THEMIS: variants seen among roughly 807,000 people sequenced by gnomAD.
The protein encoded by THEMIS is thymocyte selection associated, also known as protein THEMIS.
THEMIS carries 37 observed loss-of-function variants against 52.6 expected under a neutral mutation model. That is an observed-to-expected ratio of 0.70 (90% confidence interval 0.54 to 0.93). The LOEUF is 0.93. Ranked by LOEUF, THEMIS falls within the 40% of genes least tolerant of loss-of-function variation. The pLI, the probability that THEMIS is intolerant of heterozygous loss-of-function variation, is 0.00. For synonymous variants in THEMIS, 292 were observed against 272.7 expected (o/e 1.07, Z -0.70); for missense variants, 808 against 763.1 (o/e 1.06, Z -0.69).
chr6:127,832,777 C>CTATTTT (rs1778740083), intron 2 of THEMIS, among the ~76,000 whole-genome samples: 1 of 57,796 alleles, frequency 1.7e-5, no homozygotes, highest in Non-Finnish European at 2.9e-5. Flanking sequence ...ATTGTCAGAT[C>CTATTTT]TTTTTTTTTT....
chr6:127,754,745 G>A (rs948376646), intron 4 of THEMIS, among the ~76,000 whole-genome samples: 3 of 152,134 alleles, frequency 2.0e-5, no homozygotes, highest in Admixed American at 2.0e-4. Context: ...GGAAAAAGGA[G>A]GACAGCAATG....
At chr6:127,746,659 T>C (rs1775400173) in intron 4 of THEMIS, among the ~76,000 whole-genome samples, 1 of 134,538 alleles carries the variant, frequency 7.4e-6, no homozygotes, top group African/African-American at 2.8e-5. Context: ...AGATTGATTA[T>C]ATATTCAATA....
intron 2 of THEMIS, among the ~76,000 whole-genome samples, chr6:127,840,263 A>G (rs1041969690): frequency 1.3e-5 from 2 of 152,144 alleles, no homozygotes; most frequent in African/African-American, 4.8e-5. Flanking sequence ...TACAAATTGT[A>G]TAAATGGCCA....
At chr6:127,696,811 A>G in the THEMIS span, among the ~76,000 whole-genome samples, 2 of 152,006 alleles carry the variant, frequency 1.3e-5, no homozygotes, top group African/African-American at 2.4e-5. Context: ...TCCTCTGTGC[A>G]TGTGTATGTC....
intron 4 of THEMIS, among the ~76,000 whole-genome samples, chr6:127,739,588 C>T (rs1289165177): frequency 1.3e-5 from 2 of 151,988 alleles, no homozygotes; most frequent in African/African-American, 4.8e-5. Flanking sequence ...TACTGTGAGC[C>T]GAGATAGCAC....
chr6:127,820,857 T>TA (rs1214914597), intron 3 of THEMIS, among the ~76,000 whole-genome samples: 2 of 152,040 alleles, frequency 1.3e-5, no homozygotes, highest in African/African-American at 4.8e-5. Context: ...AAAGTTAAAA[T>TA]AAAAACTCAT....
At chr6:127,781,707 G>A (rs1181418675) in intron 4 of THEMIS, among the ~76,000 whole-genome samples, 6 of 152,118 alleles carry the variant, frequency 3.9e-5, no homozygotes, top group Non-Finnish European at 7.3e-5. Context: ...CTGTTTGCCT[G>A]GGTATCACCA....
At chr6:127,855,326 G>A in intron 1 of THEMIS, 138 bp from the exon 2 acceptor site, 1 of 695,204 alleles carries the variant, frequency 1.4e-6, no homozygotes, top group South Asian at 2.4e-5. Flanking sequence ...AATCAAGCTT[G>A]GCAAAATGTA....
chr6:127,886,814 C>T (rs1318505031), intron 1 of THEMIS, among the ~76,000 whole-genome samples: 3 of 152,128 alleles, frequency 2.0e-5, no homozygotes, highest in African/African-American at 7.2e-5. Flanking sequence ...CTGCCCTATA[C>T]TGCTGTTTTC....
chr6:127,696,971 C>T, the THEMIS span, among the ~76,000 whole-genome samples: 2 of 152,016 alleles, frequency 1.3e-5, no homozygotes, highest in African/African-American at 4.8e-5. Flanking sequence ...TGGACACGCA[C>T]AATTCAACTC....
At position 127,802,047 on chromosome 6, in the gene THEMIS, G is replaced by A. The variant is rs192155024; in HGVS notation, c.1758+10836C>T. ...TCTGCATTTAATGTTGCAGTTCGGG[G>A]AGTTAAAAAAGGTTCTAAGAGTTTA... On this transcript the variant is annotated intron_variant, in intron 4 of 5. Coordinates refer to ENST00000368248, the MANE Select transcript of THEMIS (RefSeq NM_001010923.3). 2.1e-4 allele frequency among the ~76,000 whole-genome samples: 32 copies of A among 152,264 alleles called. 2 individuals are homozygous for A. In the East Asian group the frequency reaches 3.7e-3, roughly 17 times the overall value.
In THEMIS at chr6:127,712,687, A is replaced by G. The variant is rs1238939200; in HGVS notation, c.1895-2671T>C. Reference sequence around the variant, plus strand: ...TCAAGTAAATTATTTCATTCATAGAAGAGTAGACATAGAATGGAGTTTCAT... The same window carrying G: ...TCAAGTAAATTATTTCATTCATAGAGGAGTAGACATAGAATGGAGTTTCAT... On this transcript the variant is annotated intron_variant, in intron 5 of 5. Coordinates refer to ENST00000368248, the MANE Select transcript of THEMIS (RefSeq NM_001010923.3). 3.3e-5 allele frequency among the ~76,000 whole-genome samples: 5 copies of G among 152,032 alleles called. No individual in the cohort carries two copies. In the East Asian group the frequency reaches 9.7e-4, roughly 30 times the overall value.
chr6:127,840,097 G>A (rs1303556788), intron 2 of THEMIS, among the ~76,000 whole-genome samples: 1 of 152,062 alleles, frequency 6.6e-6, no homozygotes, highest in African/African-American at 2.4e-5. Context: ...CCCCTCAAAA[G>A]TTCCTAGTTG....
intron 1 of THEMIS, among the ~76,000 whole-genome samples, chr6:127,895,013 T>A (rs1183582072): frequency 6.7e-6 from 1 of 149,020 alleles, no homozygotes; most frequent in Non-Finnish European, 1.5e-5. Flanking sequence ...AAAATGTATA[T>A]ATAATACATA....
At chr6:127,737,372 A>G (rs1414569023) in intron 4 of THEMIS, among the ~76,000 whole-genome samples, 1 of 152,190 alleles carries the variant, frequency 6.6e-6, no homozygotes, top group Non-Finnish European at 1.5e-5. Flanking sequence ...GAGCCTCTCA[A>G]GATCACAGTT....
At chr6:127,729,196 CT>C (rs1774665571) in intron 4 of THEMIS, among the ~76,000 whole-genome samples, 1 of 79,378 alleles carries the variant, frequency 1.3e-5, no homozygotes, top group Admixed American at 1.2e-4. Context: ...CTCTCTCTCT[CT>C]CTCTCTTCAC....
intron 4 of THEMIS, among the ~76,000 whole-genome samples, chr6:127,789,952 T>G (rs915156333): frequency 6.6e-6 from 1 of 152,190 alleles, no homozygotes; most frequent in Non-Finnish European, 1.5e-5. Flanking sequence ...AAGTATTCCC[T>G]TTGAAAACCA....
chr6:127,737,541 A>G (rs995640006), intron 4 of THEMIS, among the ~76,000 whole-genome samples: 2 of 152,230 alleles, frequency 1.3e-5, no homozygotes, highest in Non-Finnish European at 2.9e-5. Flanking sequence ...ATATTTACTT[A>G]AAACATTTTC....
chr6:127,857,725 AC>A (rs956581819), intron 1 of THEMIS, among the ~76,000 whole-genome samples: 7 of 152,002 alleles, frequency 4.6e-5, no homozygotes, highest in Non-Finnish European at 8.8e-5. Context: ...CTGAATCAGA[AC>A]CTGTGTTTTT....
Sources: allele counts gnomAD v4.1 joint callset (sites outside exome capture counted in the v4.1 genomes callset), GRCh38; gene constraint gnomAD v4.1.1; transcripts MANE v1.5; gene names NCBI Gene and HGNC (gene_info 2026-07-23, HGNC 2026-07-21).